PMS1: variants seen among roughly 807,000 people sequenced by gnomAD.
The protein encoded by PMS1 is PMS1 homolog 1, mismatch repair system component, also known as PMS1 protein homolog 1.
A neutral mutation model predicts 93.1 loss-of-function variants in PMS1; 79 were observed. The observed-to-expected ratio is 0.85, with a 90% CI of 0.71 to 1.02. The LOEUF (loss-of-function observed/expected upper bound fraction) is 1.02. PMS1 is among the 50% of genes least tolerant of loss of function. The pLI is 0.00. For missense variants in PMS1, 1,064 were observed against 1,085.3 expected (o/e 0.98, Z 0.28); for synonymous variants, 335 against 363.4 (o/e 0.92, Z 0.89).
At position 189,826,450 on chromosome 2, in the gene PMS1, C is replaced by CTT. The variant is rs76322920; in HGVS notation, c.582+8283_582+8284dup. Among the ~76,000 whole-genome samples, 166 of 126,082 alleles carry CTT rather than the reference C, an allele frequency of 1.3e-3. 2 individuals are homozygous for CTT. Among genetic ancestry groups the CTT allele is most frequent in the African/African-American group, 4.3e-3 (150 of 35,156 alleles). The allele number at this position is 126,082 out of a possible 152,430, so 82.7% of individuals were successfully genotyped here. On this transcript the variant is annotated intron_variant, in intron 5 of 12. Coordinates refer to ENST00000441310, the MANE Select transcript of PMS1 (RefSeq NM_000534.5). ...TTATCAATATGGTTTGGTTTGGGGT[C>CTT]TTTTTTTTTTTTTTGCTACTTACAA...
At chr2:189,794,650 A>G (rs921268548) in intron 2 of PMS1, among the ~76,000 whole-genome samples, 2 of 152,238 alleles carry the variant, frequency 1.3e-5, no homozygotes, top group African/African-American at 2.4e-5. Flanking sequence ...TTTGTGGAGT[A>G]AAGTCAGACT....
chr2:189,865,079 C>T (rs557195184), intron 10 of PMS1, among the ~76,000 whole-genome samples: 182 of 152,048 alleles, frequency 1.2e-3, no homozygotes, highest in African/African-American at 4.2e-3. Flanking sequence ...TTCAATATCT[C>T]TCTCTCAAAA....
At chr2:189,861,128 CT>C (rs2055943606) in intron 9 of PMS1, among the ~76,000 whole-genome samples, 1 of 151,614 alleles carries the variant, frequency 6.6e-6, no homozygotes, top group Non-Finnish European at 1.5e-5. Flanking sequence ...CTATTTTGTT[CT>C]TTTGTTCCTC....
intron 2 of PMS1, among the ~76,000 whole-genome samples, chr2:189,792,330 A>G (rs2048937231): frequency 6.6e-6 from 1 of 152,132 alleles, no homozygotes; most frequent in Non-Finnish European, 1.5e-5. Context: ...AGTGCTGTAT[A>G]TTAAATCATT....
chr2:189,804,498 G>A (rs1436941243), intron 3 of PMS1, among the ~76,000 whole-genome samples: 2 of 152,084 alleles, frequency 1.3e-5, no homozygotes, highest in East Asian at 1.9e-4. Flanking sequence ...AGCGCCCCTA[G>A]TAAGAGTTTC....
intron 5 of PMS1, among the ~76,000 whole-genome samples, chr2:189,835,979 G>A (rs963258626): frequency 1.3e-5 from 2 of 150,884 alleles, no homozygotes; most frequent in Admixed American, 1.3e-4. Context: ...CCAAATATGA[G>A]CTTAGTACAT....
chr2:189,857,133 C>T (rs2055418201), intron 9 of PMS1, among the ~76,000 whole-genome samples: 1 of 152,068 alleles, frequency 6.6e-6, no homozygotes, highest in African/African-American at 2.4e-5. Flanking sequence ...AGATCAATTA[C>T]TAACACATAG....
intron 9 of PMS1, among the ~76,000 whole-genome samples, chr2:189,856,332 A>T (rs894492950): frequency 6.6e-6 from 1 of 152,032 alleles, no homozygotes; most frequent in African/African-American, 2.4e-5. Context: ...TTTGTTTATT[A>T]TTCTGAAGCA....
rs5742939 is a variant in PMS1, at chr2:189,785,414, C to T, written c.-21+821C>T. On this transcript the variant is annotated intron_variant, in intron 1 of 12. Coordinates refer to ENST00000441310, the MANE Select transcript of PMS1 (RefSeq NM_000534.5). ...TCTTCAGAAGTGTTCCTTTTCCCTC[C>T]CAGCAAATATGGAAGACTGACTATC... The T allele has an allele frequency of 4.6e-5, 7 of 152,286 alleles. No individual in the cohort carries two copies. In the East Asian group the frequency reaches 1.4e-3, roughly 29 times the overall value. The allele number at this position is 152,286 out of a possible 1,614,324, so 9.4% of individuals were successfully genotyped here. A position where few individuals can be genotyped will look rare whatever the true frequency, so the allele number is the denominator to read the frequency against.
chr2:189,834,234 A>G lies in PMS1; in HGVS notation c.583-9730A>G, dbSNP rs750058850. On this transcript the variant is annotated intron_variant, in intron 5 of 12. Coordinates refer to ENST00000441310, the MANE Select transcript of PMS1 (RefSeq NM_000534.5). ...TTAAGACTGGTTCTTCGGAAAGACT[A>G]TGTGGGCAGAGGTATTCAAAGCAGG... 8.1e-4 allele frequency among the ~76,000 whole-genome samples: 124 copies of G among 152,220 alleles called. 1 individual carries two copies. The highest frequency in any genetic ancestry group is 2.9e-4 in the Non-Finnish European group (20 of 68,046).
chr2:189,799,382 G>A (rs185089719), intron 3 of PMS1, among the ~76,000 whole-genome samples: 2 of 152,178 alleles, frequency 1.3e-5, no homozygotes, highest in Admixed American at 6.5e-5. Flanking sequence ...TTTTACATAT[G>A]TATACTCCTG....
chr2:189,866,510 A>G (rs5743163), intron 10 of PMS1, among the ~76,000 whole-genome samples: 2 of 152,186 alleles, frequency 1.3e-5, no homozygotes, highest in Admixed American at 1.3e-4. Context: ...CAATGCGACA[A>G]TGTGGGCAGG....
intron 5 of PMS1, among the ~76,000 whole-genome samples, chr2:189,829,605 T>G (rs1171708816): frequency 6.6e-6 from 1 of 152,188 alleles, no homozygotes; most frequent in Non-Finnish European, 1.5e-5. Context: ...GTCATCATTT[T>G]GGTATCTGAG....
At chr2:189,858,971 A>G (rs2055664811) in intron 9 of PMS1, among the ~76,000 whole-genome samples, 1 of 152,116 alleles carries the variant, frequency 6.6e-6, no homozygotes, top group African/African-American at 2.4e-5. Context: ...TGTTCTCTCA[A>G]TAATATTTTT....
intron 6 of PMS1, among the ~76,000 whole-genome samples, chr2:189,846,520 A>G (rs976287202): frequency 6.6e-6 from 1 of 151,340 alleles, no homozygotes; most frequent in African/African-American, 2.4e-5. Flanking sequence ...TCTCAAAAAA[A>G]AAAAACAAAC....
At chr2:189,795,718 A>G (rs773790279) in intron 2 of PMS1, 51 bp from the exon 3 acceptor site, 14 of 1,377,892 alleles carry the variant, frequency 1.0e-5, no homozygotes, top group Admixed American at 1.7e-5. Context: ...TCTAAGTGTG[A>G]TAACAGTTTA....
intron 5 of PMS1, among the ~76,000 whole-genome samples, chr2:189,839,858 A>T (rs2053677741): frequency 6.6e-6 from 1 of 152,196 alleles, no homozygotes; most frequent in Non-Finnish European, 1.5e-5. Flanking sequence ...AAAATTAGTT[A>T]CTTTAAAATT....
chr2:189,867,067 C>G lies in PMS1; in HGVS notation c.2343-732C>G, dbSNP rs5743167. 4.4e-3 allele frequency among the ~76,000 whole-genome samples: 672 copies of G among 152,320 alleles called. 8 individuals carry two copies. Among genetic ancestry groups the G allele is most frequent in the African/African-American group, 0.015 (640 of 41,572 alleles). Reference sequence around the variant, plus strand: ...GATATCAGCGTACTGGAACACAGAACAGTGCCTTGCATACATACCTAGGAC... The same window carrying G: ...GATATCAGCGTACTGGAACACAGAAGAGTGCCTTGCATACATACCTAGGAC... On this transcript the variant is annotated intron_variant, in intron 10 of 12. Coordinates refer to ENST00000441310, the MANE Select transcript of PMS1 (RefSeq NM_000534.5).
intron 5 of PMS1, among the ~76,000 whole-genome samples, chr2:189,825,041 T>A (rs1047182766): frequency 6.6e-6 from 1 of 152,114 alleles, no homozygotes; most frequent in Non-Finnish European, 1.5e-5. Context: ...TTTTCTGCAT[T>A]AGAGACAAAC....
Sources: allele counts gnomAD v4.1 joint callset (sites outside exome capture counted in the v4.1 genomes callset), GRCh38; gene constraint gnomAD v4.1.1; transcripts MANE v1.5; gene names NCBI Gene and HGNC (gene_info 2026-07-23, HGNC 2026-07-21).